The following ADAMTS12 variants were observed in gnomAD, a reference collection of about 807,000 sequenced individuals.
ADAMTS12 encodes the protein ADAM metallopeptidase with thrombospondin type 1 motif 12.
Under a neutral mutation model 167.8 loss-of-function variants are expected in ADAMTS12, and 118 were observed. The observed-to-expected ratio is 0.70, with a 90% CI of 0.61 to 0.82. ADAMTS12 has a LOEUF of 0.82. ADAMTS12 is among the 40% of genes least tolerant of loss of function. ADAMTS12 has a pLI of 0.00. For missense variants in ADAMTS12, 1,916 were observed against 1,998.8 expected (o/e 0.96, Z 0.79); for synonymous variants, 704 against 716.9 (o/e 0.98, Z 0.29).
intron 2 of ADAMTS12, among the ~76,000 whole-genome samples, chr5:33,760,259 A>G (rs1006606351): frequency 1.3e-5 from 2 of 152,126 alleles, no homozygotes; most frequent in African/African-American, 4.8e-5. Flanking sequence ...CTTCATCATC[A>G]AAAGAAGTTC....
intron 16 of ADAMTS12, among the ~76,000 whole-genome samples, chr5:33,599,128 G>A (rs1738058805): frequency 6.6e-6 from 1 of 152,294 alleles, no homozygotes; most frequent in East Asian, 1.9e-4. Flanking sequence ...TAGCCAAAGT[G>A]CCAAACACAG....
intron 5 of ADAMTS12, among the ~76,000 whole-genome samples, chr5:33,668,339 G>A (rs1579817396): frequency 6.6e-6 from 1 of 152,258 alleles, no homozygotes; most frequent in Non-Finnish European, 1.5e-5. Flanking sequence ...TCTACTGAAT[G>A]CATATAATTT....
chr5:33,852,097 T>TAA (rs1749239753), intron 2 of ADAMTS12, among the ~76,000 whole-genome samples: 1 of 151,896 alleles, frequency 6.6e-6, no homozygotes, highest in South Asian at 2.1e-4. Context: ...GCAAATGTGC[T>TAA]AACAACAACA....
chr5:33,554,894 A>C (rs1387252897), intron 20 of ADAMTS12, among the ~76,000 whole-genome samples: 1 of 152,246 alleles, frequency 6.6e-6, no homozygotes, highest in African/African-American at 2.4e-5. Context: ...ACTTTCCAGC[A>C]AATAACTTAG....
chr5:33,727,336 G>A (rs1163573373), intron 3 of ADAMTS12, among the ~76,000 whole-genome samples: 1 of 152,098 alleles, frequency 6.6e-6, no homozygotes, highest in Non-Finnish European at 1.5e-5. Flanking sequence ...TCGCCTCCTT[G>A]TTTCTTCTCC....
chr5:33,580,440 TGATCTAATCATTCCCCA>T (rs1747006539), intron 18 of ADAMTS12, among the ~76,000 whole-genome samples: 2 of 94,470 alleles, frequency 2.1e-5, no homozygotes, highest in African/African-American at 7.1e-5. Context: ...ACAGCTCCCA[TGATCTAATCATTCCCCA>T]TGAGTTCCCT....
Position 33,614,119 on chromosome 5 carries a change from T to C in ADAMTS12, c.2527+119A>G, listed in dbSNP as rs998409527. 1.2e-5 allele frequency: 16 copies of C among 1,381,734 alleles called. No individual in the cohort carries two copies. The African/African-American group carries it at 2.3e-4, about 20-fold the overall frequency. The allele number at this position is 1,381,734 out of a possible 1,614,324, so 85.6% of individuals were successfully genotyped here. ...CACTGTCCGCAGAGGCCCCTGGCCA[T>C]CTCAGTGGAGCCCTGCAGATCCATG... On this transcript the variant is annotated intron_variant, in intron 16 of 23. Coordinates refer to ENST00000504830, the MANE Select transcript of ADAMTS12 (RefSeq NM_030955.4).
At position 33,651,769 on chromosome 5, in the gene ADAMTS12, G is replaced by C. The variant is rs534007273; in HGVS notation, c.1191-2072C>G. On this transcript the variant is annotated intron_variant, in intron 7 of 23. Transcript: ENST00000504830. ...CAAATGGTGAACGTTGTACCCAGTA[G>C]GTAACTTTTCAACTCATTCTCCTCC... 3.7e-3 allele frequency among the ~76,000 whole-genome samples: 565 copies of C among 152,184 alleles called. 5 individuals carry two copies. Among genetic ancestry groups the C allele is most frequent in the African/African-American group, 0.013 (553 of 41,520 alleles).
intron 2 of ADAMTS12, among the ~76,000 whole-genome samples, chr5:33,779,157 T>C (rs548501252): frequency 6.6e-6 from 1 of 151,616 alleles, no homozygotes; most frequent in East Asian, 2.0e-4. Context: ...CACTTCTGGG[T>C]ATATATCCAA....
chr5:33,677,266 T>C (rs1741946498), intron 5 of ADAMTS12, among the ~76,000 whole-genome samples: 1 of 152,182 alleles, frequency 6.6e-6, no homozygotes, highest in African/African-American at 2.4e-5. Context: ...ACAAGTAACA[T>C]TTATTGAGCA....
At chr5:33,792,546 A>G (rs556816757) in intron 2 of ADAMTS12, among the ~76,000 whole-genome samples, 7 of 152,266 alleles carry the variant, frequency 4.6e-5, no homozygotes, top group African/African-American at 9.6e-5. Flanking sequence ...TATACTTTTT[A>G]TCCCTCAAAG....
In ADAMTS12 at chr5:33,549,270, G is replaced by A; in HGVS notation, c.4239C>T (p.Pro1413=). The stretch of plus-strand genomic sequence containing the variant: ...CCGGGTTACAGCTCATGCTCAATGG[G>A]GGAGGAATGCCGGCCAGGAACTGGC... ...FHCQFLAGIP[P]PLSMSCNPEP... Residue 1413 remains proline, a synonymous_variant, in exon 21 of 24, where the codon CCC becomes CCT. Coordinates refer to ENST00000504830, the MANE Select transcript of ADAMTS12 (RefSeq NM_030955.4). 1 of 1,614,236 alleles carries A rather than the reference G, an allele frequency of 6.2e-7. No individual in the cohort carries two copies. Among genetic ancestry groups the A allele is most frequent in the South Asian group, 1.1e-5 (1 of 91,078 alleles).
intron 5 of ADAMTS12, among the ~76,000 whole-genome samples, chr5:33,676,380 T>C (rs1418920045): frequency 6.6e-6 from 1 of 152,128 alleles, no homozygotes; most frequent in Non-Finnish European, 1.5e-5. Context: ...AGAAAGAGGA[T>C]GAGCAGAGAA....
Position 33,881,317 on chromosome 5 carries a change from G to A in ADAMTS12, c.291C>T (p.His97=), listed in dbSNP as rs755549255. ...SEDWVYYRIS[H]EEKDLFFNLT... ...AGTTAAAAAACAGGTCCTTCTCCTC[G>A]TGAGAAATTCTGTAGTACACCCAGT... is the stretch of plus-strand genomic sequence containing the variant. The change falls in exon 2 of 24, where the codon CAC becomes CAT. Residue 97 remains histidine, a synonymous_variant. Coordinates refer to ENST00000504830, the MANE Select transcript of ADAMTS12 (RefSeq NM_030955.4). 20 of 1,614,010 alleles carry A rather than the reference G, an allele frequency of 1.2e-5. No homozygotes were observed. Among genetic ancestry groups the A allele is most frequent in the East Asian group, 2.2e-5 (1 of 44,890 alleles).
intron 2 of ADAMTS12, among the ~76,000 whole-genome samples, chr5:33,799,284 C>T (rs1316498105): frequency 2.0e-5 from 3 of 152,190 alleles, no homozygotes; most frequent in Non-Finnish European, 4.4e-5. Flanking sequence ...ACTACTTTAG[C>T]AAATAAAATC....
rs1357030841 is a variant in ADAMTS12, at chr5:33,596,219, T to C, written c.2528-159A>G. Among the ~76,000 whole-genome samples, 14 of 152,092 alleles carry C rather than the reference T, an allele frequency of 9.2e-5. No homozygotes were observed. The East Asian group carries it at 2.7e-3, about 29-fold the overall frequency. ...AAAGGAGGGATGAAGAATAGGGACC[T>C]CTTACAATTCACCCTGATGCTGCAG... On this transcript the variant is annotated intron_variant, in intron 16 of 23. Coordinates refer to ENST00000504830, the MANE Select transcript of ADAMTS12 (RefSeq NM_030955.4).
At chr5:33,696,107 G>A (rs1393809310) in intron 3 of ADAMTS12, among the ~76,000 whole-genome samples, 1 of 152,028 alleles carries the variant, frequency 6.6e-6, no homozygotes, top group African/African-American at 2.4e-5. Context: ...TTAAAATCAG[G>A]GTTTTCTGAC....
At chr5:33,847,323 T>C (rs77483196) in intron 2 of ADAMTS12, among the ~76,000 whole-genome samples, 6,950 of 152,148 alleles carry the variant, frequency 0.046, 275 homozygotes, top group East Asian at 0.17. Flanking sequence ...AGGACACTAA[T>C]AAAAAACAGG....
intron 16 of ADAMTS12, among the ~76,000 whole-genome samples, chr5:33,608,879 G>A (rs1162312081): frequency 6.6e-6 from 1 of 152,150 alleles, no homozygotes; most frequent in Non-Finnish European, 1.5e-5. Flanking sequence ...GAAACAAGAA[G>A]CTAGAAACAG....
Sources: allele counts gnomAD v4.1 joint callset (sites outside exome capture counted in the v4.1 genomes callset), GRCh38; gene constraint gnomAD v4.1.1; transcripts MANE v1.5; gene names NCBI Gene and HGNC (gene_info 2026-07-23, HGNC 2026-07-21).